Variants in RTN1 observed in about 807,000 individuals in gnomAD.
RTN1 encodes reticulon-1.
A neutral mutation model predicts 65.5 loss-of-function variants in RTN1; 25 were observed. The ratio of observed to expected loss-of-function variants is 0.38; its 90% confidence interval spans 0.28 to 0.53. RTN1 has a LOEUF of 0.53. Ranked by LOEUF, RTN1 falls within the 20% of genes least tolerant of loss-of-function variation. The probability of loss-of-function intolerance (pLI) is 0.79; values close to 1 mark genes in which losing one functional copy is unlikely to be tolerated. For synonymous variants in RTN1, 471 were observed against 447.6 expected, an observed-to-expected ratio of 1.05 and a Z score of -0.66; for missense variants, 983 against 1,025.4, an observed-to-expected ratio of 0.96 and a Z score of 0.57.
At chr14:59,637,708 C>CT (rs1483698940) in intron 3 of RTN1, among the ~76,000 whole-genome samples, 2 of 109,052 alleles carry the variant, frequency 1.8e-5, no homozygotes, top group African/African-American at 4.0e-5. Flanking sequence ...GAGACTCCGT[C>CT]TCAAAAAAAA....
At chr14:59,754,353 G>A (rs556876992) in intron 1 of RTN1, among the ~76,000 whole-genome samples, 14 of 152,172 alleles carry the variant, frequency 9.2e-5, no homozygotes, top group Admixed American at 3.9e-4. Context: ...GGATGACAAC[G>A]ATGACTTGCT....
At chr14:59,768,108 G>A (rs1224514224) in intron 1 of RTN1, among the ~76,000 whole-genome samples, 1 of 152,156 alleles carries the variant, frequency 6.6e-6, no homozygotes, top group Non-Finnish European at 1.5e-5. Context: ...ATTACCAAAT[G>A]TCTACTTTAG....
intron 3 of RTN1, among the ~76,000 whole-genome samples, chr14:59,639,871 T>G (rs541130100): frequency 2.2e-4 from 33 of 152,346 alleles, no homozygotes; most frequent in African/African-American, 7.5e-4. Flanking sequence ...TAGAATAACC[T>G]CACATGGCTT....
intron 2 of RTN1, among the ~76,000 whole-genome samples, chr14:59,733,449 C>A (rs1884943365): frequency 6.6e-6 from 1 of 152,110 alleles, no homozygotes; most frequent in African/African-American, 2.4e-5. Flanking sequence ...CGAGGCCTCC[C>A]AGCTGGCCCC....
rs1886323635 is a variant in RTN1 at position 59,790,197 on chromosome 14, G to C, written c.242-43716C>G. 6.6e-6 allele frequency among the ~76,000 whole-genome samples: 1 copy of C among 151,960 alleles called. No homozygotes were observed. The highest frequency in any genetic ancestry group is 6.6e-5 in the Admixed American group (1 of 15,230). On this transcript the variant is annotated intron_variant, in intron 1 of 8. Transcript: ENST00000267484. This position sits in a 1 kb window ranked among gnomAD's most constrained non-coding sequence, Gnocchi z 4.1. ...ATAACAGAGTCTAGTCGTGTGTCTT[G>C]GGAGATTTTAACTAGTCTATAATTT...
At chr14:59,689,349 G>T (rs1179739573) in intron 3 of RTN1, among the ~76,000 whole-genome samples, 2 of 152,204 alleles carry the variant, frequency 1.3e-5, no homozygotes, top group Non-Finnish European at 1.5e-5. Flanking sequence ...TGGCATTTCT[G>T]CAGAGACGGA....
intron 3 of RTN1, among the ~76,000 whole-genome samples, chr14:59,713,107 C>T (rs895726409): frequency 6.6e-6 from 1 of 152,036 alleles, no homozygotes; most frequent in Non-Finnish European, 1.5e-5. Flanking sequence ...ACAAAAAAAT[C>T]GAAATGCAGA....
rs142945757 is a variant in RTN1 at position 59,737,479 on chromosome 14, G to C, written c.1015+8229C>G. Among the ~76,000 whole-genome samples, 431 of 152,028 alleles carry C rather than the reference G, an allele frequency of 2.8e-3. 1 individual carries two copies. Among genetic ancestry groups the C allele is most frequent in the African/African-American group, 0.01 (419 of 41,484 alleles). On this transcript the variant is annotated intron_variant, in intron 2 of 8. Transcript: ENST00000267484. ...AGGGATGTGAAGGACCTCTTCAAGG[G>C]GAACTACAAACAACTGCCCAAAGAA...
intron 3 of RTN1, among the ~76,000 whole-genome samples, chr14:59,667,942 C>T (rs564487518): frequency 9.5e-4 from 144 of 152,050 alleles, no homozygotes; most frequent in Non-Finnish European, 1.3e-3. Flanking sequence ...CACTGCTCAA[C>T]GAAATAAAAG....
Position 59,849,744 on chromosome 14 carries a change from T to C in RTN1, c.241+20646A>G, listed in dbSNP as rs1887470614. Reference sequence around the variant, plus strand: ...AAGGATCTAAGCAATCATAAACATGTGAATTACAATTTCTAAGGGAAGTAA... The same window carrying C: ...AAGGATCTAAGCAATCATAAACATGCGAATTACAATTTCTAAGGGAAGTAA... On this transcript the variant is annotated intron_variant, in intron 1 of 8. Coordinates refer to ENST00000267484, the MANE Select transcript of RTN1 (RefSeq NM_021136.3). The surrounding 1 kb of genome is among the most constrained non-coding windows in gnomAD (Gnocchi z 4.5). 6.6e-6 allele frequency among the ~76,000 whole-genome samples: 1 copy of C among 152,200 alleles called. No individual in the cohort carries two copies. Among genetic ancestry groups the C allele is most frequent in the Non-Finnish European group, 1.5e-5 (1 of 68,034 alleles).
chr14:59,610,371 G>A (rs1422707883), intron 3 of RTN1: 2 of 546,090 alleles, frequency 3.7e-6, no homozygotes, highest in Admixed American at 6.9e-5. Flanking sequence ...TAAAACAACA[G>A]GCTGTTGGTT....
chr14:59,851,884 A>G (rs537154788), intron 1 of RTN1, among the ~76,000 whole-genome samples: 1 of 151,864 alleles, frequency 6.6e-6, no homozygotes, highest in Non-Finnish European at 1.5e-5. Flanking sequence ...GAATAAACCA[A>G]TTCTTATTTC....
chr14:59,734,651 T>C (rs1048227211), intron 2 of RTN1, among the ~76,000 whole-genome samples: 5 of 152,100 alleles, frequency 3.3e-5, no homozygotes, highest in Non-Finnish European at 7.4e-5. Context: ...TTGAAGAGTA[T>C]CTTTCTGAAA....
chr14:59,691,844 T>C (rs1883968063), intron 3 of RTN1, among the ~76,000 whole-genome samples: 1 of 152,120 alleles, frequency 6.6e-6, no homozygotes, highest in African/African-American at 2.4e-5. Context: ...CATCTAATCA[T>C]CTCAATAGAC....
intron 3 of RTN1, among the ~76,000 whole-genome samples, chr14:59,643,486 A>G (rs551463589): frequency 1.2e-4 from 18 of 152,298 alleles, no homozygotes; most frequent in African/African-American, 3.6e-4. Flanking sequence ...CCAAAGTGCT[A>G]GGATTACAGG....
intron 1 of RTN1, among the ~76,000 whole-genome samples, chr14:59,756,916 T>C (rs1215170896): frequency 6.6e-6 from 1 of 150,788 alleles, no homozygotes; most frequent in Non-Finnish European, 1.5e-5. Flanking sequence ...CTTGACCTCC[T>C]GGGTTCAAGC....
chr14:59,633,731 A>G (rs1439272606), intron 3 of RTN1, among the ~76,000 whole-genome samples: 1 of 152,238 alleles, frequency 6.6e-6, no homozygotes, highest in Non-Finnish European at 1.5e-5. Context: ...GCTTGCCAGG[A>G]GAGGAAGTGA....
intron 1 of RTN1, among the ~76,000 whole-genome samples, chr14:59,761,278 C>T (rs1421437331): frequency 1.3e-5 from 2 of 152,170 alleles, no homozygotes; most frequent in East Asian, 1.9e-4. Flanking sequence ...ACAATCCCCA[C>T]GTGTCAAGGG....
chr14:59,830,626 C>G (rs1882120580), intron 1 of RTN1, among the ~76,000 whole-genome samples: 1 of 152,152 alleles, frequency 6.6e-6, no homozygotes, highest in African/African-American at 2.4e-5. Context: ...CAGGTCATCC[C>G]TTAGGCCTTT....
Sources: allele counts gnomAD v4.1 joint callset (sites outside exome capture counted in the v4.1 genomes callset), GRCh38; gene constraint gnomAD v4.1.1; non-coding constraint Gnocchi (gnomAD v3.1); transcripts MANE v1.5; gene names NCBI Gene and HGNC (gene_info 2026-07-23, HGNC 2026-07-21).